The following MPP7 variants were observed in gnomAD, a reference collection of about 807,000 sequenced individuals.
The protein encoded by MPP7 is MAGUK p55 scaffold protein 7, also known as MAGUK p55 subfamily member 7.
A neutral mutation model predicts 76.5 loss-of-function variants in MPP7; 60 were observed. The ratio of observed to expected loss-of-function variants is 0.78; its 90% CI spans 0.64 to 0.97. The LOEUF is 0.97. MPP7 is among the 50% of genes least tolerant of loss of function. MPP7 has a pLI of 0.00. For missense variants in MPP7, 641 were observed against 694.0 expected (o/e 0.92, Z 0.86); for synonymous variants, 237 against 244.5 (o/e 0.97, Z 0.29).
chr10:28,325,797 A>C (rs1002345739), intron 2 of MPP7, among the ~76,000 whole-genome samples: 11 of 151,996 alleles, frequency 7.2e-5, no homozygotes, highest in Non-Finnish European at 1.6e-4. Flanking sequence ...CCTGGCCGCA[A>C]GACCACATTT....
intron 2 of MPP7, among the ~76,000 whole-genome samples, chr10:28,235,356 T>C (rs1156948171): frequency 2.0e-5 from 3 of 152,198 alleles, no homozygotes; most frequent in Admixed American, 6.5e-5. Flanking sequence ...GCAAGGCATA[T>C]TGAAACTCTC....
intron 3 of MPP7, among the ~76,000 whole-genome samples, chr10:28,161,702 C>T (rs527692430): frequency 5.3e-5 from 8 of 152,202 alleles, no homozygotes; most frequent in East Asian, 1.9e-4. Flanking sequence ...TGAAAATATT[C>T]GCAATTTATT....
Position 28,200,476 on chromosome 10 carries a change from C to T in MPP7, c.156+1677G>A, listed in dbSNP as rs575640472. Among the ~76,000 whole-genome samples, 18 of 152,282 alleles carry T rather than the reference C, an allele frequency of 1.2e-4. No individual in the cohort carries two copies. The Middle Eastern group carries it at 0.01, about 86-fold the overall frequency. On this transcript the variant is annotated intron_variant, in intron 3 of 16. Transcript: ENST00000683449. ...TATGAAATCAGATATCAATACCCTC[C>T]GCTATGCTTTCTAACCACTTAGTAT...
intron 9 of MPP7, 83 bp downstream of exon 9, chr10:28,120,511 G>T: frequency 6.6e-7 from 1 of 1,509,416 alleles, no homozygotes; most frequent in Non-Finnish European, 9.2e-7. Context: ...AAAGAAATGT[G>T]TTGTGACAAA....
At chr10:28,242,320 G>C (rs970624595) in intron 1 of MPP7, among the ~76,000 whole-genome samples, 1 of 151,992 alleles carries the variant, frequency 6.6e-6, no homozygotes, top group African/African-American at 2.4e-5. Flanking sequence ...AAACCTAATA[G>C]AGCAATAAAA....
intron 1 of MPP7, among the ~76,000 whole-genome samples, chr10:28,267,605 T>A (rs1186184200): frequency 6.6e-6 from 1 of 152,172 alleles, no homozygotes; most frequent in Non-Finnish European, 1.5e-5. Context: ...CTTGAGCAAC[T>A]GGTATAATGC....
At chr10:28,271,886 A>G (rs937046941) in intron 1 of MPP7, among the ~76,000 whole-genome samples, 17 of 152,236 alleles carry the variant, frequency 1.1e-4, no homozygotes, top group African/African-American at 3.6e-4. Flanking sequence ...GAGGCAGGAG[A>G]ATCACTTGAA....
chr10:28,205,129 T>A (rs1438953944), intron 2 of MPP7, among the ~76,000 whole-genome samples: 1 of 152,118 alleles, frequency 6.6e-6, no homozygotes, highest in East Asian at 1.9e-4. Flanking sequence ...CCACATCTGG[T>A]AACCATGACC....
At chr10:28,098,264 A>G (rs1853659097) in intron 11 of MPP7, among the ~76,000 whole-genome samples, 1 of 151,998 alleles carries the variant, frequency 6.6e-6, no homozygotes, top group Admixed American at 6.5e-5. Context: ...TGAAACTATT[A>G]AAATTATAAA....
intron 3 of MPP7, among the ~76,000 whole-genome samples, chr10:28,200,097 GCTGA>G (rs1837721291): frequency 6.6e-6 from 1 of 152,126 alleles, no homozygotes. Flanking sequence ...ACGTACAAAA[GCTGA>G]AGGCTTCTAT....
intron 5 of MPP7, among the ~76,000 whole-genome samples, chr10:28,137,107 T>A (rs540174675): frequency 5.3e-5 from 8 of 151,650 alleles, no homozygotes; most frequent in South Asian, 2.1e-4. Context: ...ACATTATATA[T>A]AAAACAATAA....
intron 6 of MPP7, 52 bp downstream of exon 6, chr10:28,131,508 T>A (rs374594780): frequency 6.8e-7 from 1 of 1,474,890 alleles, no homozygotes; most frequent in Non-Finnish European, 9.1e-7. Flanking sequence ...GTATGCACCA[T>A]CAGATTTGGC....
chr10:28,183,077 T>TCAAA (rs924331391), intron 3 of MPP7, among the ~76,000 whole-genome samples: 1 of 152,084 alleles, frequency 6.6e-6, no homozygotes, highest in African/African-American at 2.4e-5. Flanking sequence ...AAACGCCATC[T>TCAAA]CAAACAAACA....
intron 2 of MPP7, among the ~76,000 whole-genome samples, chr10:28,226,165 C>T (rs375912465): frequency 1.8e-4 from 28 of 152,148 alleles, no homozygotes; most frequent in Middle Eastern, 3.4e-3. Context: ...TATGATTCCA[C>T]TTACATGAAA....
intron 3 of MPP7, among the ~76,000 whole-genome samples, chr10:28,200,954 C>T (rs1231346701): frequency 6.6e-6 from 1 of 152,120 alleles, no homozygotes; most frequent in African/African-American, 2.4e-5. Flanking sequence ...CCATAGCTAT[C>T]CAACTTCCAC....
intron 1 of MPP7, among the ~76,000 whole-genome samples, chr10:28,275,660 G>A (rs1320969247): frequency 1.3e-5 from 2 of 152,070 alleles, no homozygotes; most frequent in South Asian, 2.1e-4. Flanking sequence ...ACCTGCCTCG[G>A]CCTCCCAAAA....
chr10:28,267,049 G>GT (rs1840169463), intron 1 of MPP7, among the ~76,000 whole-genome samples: 1 of 152,208 alleles, frequency 6.6e-6, no homozygotes, highest in Non-Finnish European at 1.5e-5. Flanking sequence ...TCTGCCATAT[G>GT]CGTTAGTTCG....
chr10:28,213,809 A>T (rs534672589), intron 2 of MPP7, among the ~76,000 whole-genome samples: 1 of 136,530 alleles, frequency 7.3e-6, no homozygotes, highest in Non-Finnish European at 1.6e-5. Flanking sequence ...AAAAAAAAAA[A>T]AGAGAGAGAG....
chr10:28,158,838 G>A (rs1772869087), intron 3 of MPP7, among the ~76,000 whole-genome samples: 1 of 152,172 alleles, frequency 6.6e-6, no homozygotes, highest in South Asian at 2.1e-4. Context: ...AAGAATGCTG[G>A]TCAGTGCTGG....
Sources: gnomAD v4.1 joint callset for allele counts (sites outside exome capture counted in the v4.1 genomes callset) on GRCh38, gnomAD v4.1.1 for gene constraint, MANE v1.5 for transcripts, NCBI Gene and HGNC (gene_info 2026-07-23, HGNC 2026-07-21) for gene names.